The following SLC9A8 variants were observed in gnomAD, a reference collection of about 807,000 sequenced individuals.
SLC9A8 encodes sodium/hydrogen exchanger 8.
Under a neutral mutation model 66.6 loss-of-function variants are expected in SLC9A8, and 48 were observed. That is an observed-to-expected ratio of 0.72 (90% confidence interval 0.57 to 0.92). The LOEUF is 0.92. SLC9A8 is among the 40% of genes least tolerant of loss of function. SLC9A8 has a pLI of 0.00. For synonymous variants in SLC9A8, 274 were observed against 282.6 expected, an observed-to-expected ratio of 0.97 and a Z score of 0.31; for missense variants, 599 against 747.3, an observed-to-expected ratio of 0.80 and a Z score of 2.31.
At chr20:49,884,254 C>CGCG (rs1568883629) in intron 14 of SLC9A8, 188 bp downstream of exon 14, 1 of 319,062 alleles carries the variant, frequency 3.1e-6, no homozygotes, top group Admixed American at 4.6e-5. Context: ...CACACACACA[C>CGCG]ACACGACACA....
Position 49,886,897 on chromosome 20 carries a change from A to G in SLC9A8, c.1637A>G (p.Glu546Gly). Reference sequence around the variant, plus strand: ...TTCTTCACTCGGAGGCTGACGCAGGAGGTGGGATACCGGCCAGGCCACACT... The same window carrying G: ...TTCTTCACTCGGAGGCTGACGCAGGGGGTGGGATACCGGCCAGGCCACACT... ...NPFFTRRLTQ[E>G]DLHHGRIQMK... The change falls in exon 15 of 16, where the codon GAG becomes GGG. Residue 546 changes from glutamate (E) to glycine (G), a missense_variant and splice_region_variant. By Grantham distance (98) the Glu-to-Gly change is moderately conservative. Transcript: ENST00000361573. This position sits in a 1 kb window ranked among gnomAD's most constrained non-coding sequence, Gnocchi z 4.8. 1 of 1,613,442 alleles carries G rather than the reference A, an allele frequency of 6.2e-7. No homozygotes were observed. The highest frequency in any genetic ancestry group is 8.5e-7 in the Non-Finnish European group (1 of 1,179,634).
At chr20:49,887,641 G>T (rs1024698299) in intron 15 of SLC9A8, among the ~76,000 whole-genome samples, 188 bp from the exon 16 acceptor site, 1 of 152,088 alleles carries the variant, frequency 6.6e-6, no homozygotes, top group African/African-American at 2.4e-5. Context: ...GACACCTCCC[G>T]TGACCTCCAC....
At chr20:49,867,610 C>G (rs191921151) in intron 10 of SLC9A8, among the ~76,000 whole-genome samples, 1 of 152,174 alleles carries the variant, frequency 6.6e-6, no homozygotes, top group Non-Finnish European at 1.5e-5. Context: ...GCAGCTTCCC[C>G]GACTCAACAG....
intron 10 of SLC9A8, among the ~76,000 whole-genome samples, chr20:49,870,246 C>T (rs1239428119): frequency 2.0e-5 from 3 of 152,170 alleles, no homozygotes; most frequent in Non-Finnish European, 4.4e-5. Flanking sequence ...CAGAAGAAAG[C>T]CAGAATTTAA....
At chr20:49,877,373 A>C (rs2089463310) in intron 11 of SLC9A8, among the ~76,000 whole-genome samples, 1 of 152,134 alleles carries the variant, frequency 6.6e-6, no homozygotes, top group African/African-American at 2.4e-5. Flanking sequence ...CAGAGAGCCT[A>C]GTGTTAGAAA....
intron 7 of SLC9A8, 131 bp downstream of exon 7, chr20:49,850,975 C>T: frequency 1.7e-6 from 1 of 591,664 alleles, no homozygotes; most frequent in Middle Eastern, 2.8e-4. Flanking sequence ...GGATTTCTGC[C>T]ATAGAATCTT....
rs185515494 is a variant in SLC9A8, at chr20:49,882,070, A to G, written c.1270+1035A>G. On this transcript the variant is annotated intron_variant, in intron 13 of 15. Coordinates refer to ENST00000361573, the MANE Select transcript of SLC9A8 (RefSeq NM_015266.3). ...GATCCTCAACGAGGGGCACTGAACA[A>G]GCCTCTGCTACCGGCCCCTCCCATC... Among the ~76,000 whole-genome samples the G allele has an allele frequency of 4.6e-3, 698 of 152,248 alleles. 9 individuals carry two copies. The highest frequency in any genetic ancestry group is 0.016 in the African/African-American group (673 of 41,522).
chr20:49,813,698 A>C (rs2086443795), intron 1 of SLC9A8, among the ~76,000 whole-genome samples: 1 of 152,242 alleles, frequency 6.6e-6, no homozygotes, highest in Non-Finnish European at 1.5e-5. Flanking sequence ...AAATAGAGTT[A>C]AGGTTGGGGA....
chr20:49,831,973 A>G (rs2087218806), intron 3 of SLC9A8, among the ~76,000 whole-genome samples: 1 of 152,118 alleles, frequency 6.6e-6, no homozygotes, highest in Non-Finnish European at 1.5e-5. Flanking sequence ...CCTCAGGGTC[A>G]TTAGTGAGGA....
intron 7 of SLC9A8, among the ~76,000 whole-genome samples, chr20:49,854,278 C>T (rs1378023500): frequency 1.3e-5 from 2 of 152,132 alleles, no homozygotes; most frequent in Non-Finnish European, 2.9e-5. Flanking sequence ...GGTCCTGCCT[C>T]CCTCGCCAGC....
At chr20:49,870,941 C>G (rs2089186814) in intron 10 of SLC9A8, among the ~76,000 whole-genome samples, 1 of 152,170 alleles carries the variant, frequency 6.6e-6, no homozygotes, top group South Asian at 2.1e-4. Context: ...CTCAAGCAAT[C>G]CACCCACTTT....
Position 49,886,968 on chromosome 20 carries a change from A to G in SLC9A8, c.1638+70A>G. On this transcript the variant is annotated intron_variant, in intron 15 of 15. Transcript: ENST00000361573. This position sits in a 1 kb window ranked among gnomAD's most constrained non-coding sequence, Gnocchi z 4.8. ...CCTCCTTCAGGACCTGCGGTGGCCCAGGGTGGGGTGGAGGAAGAGTGGGGA... is the reference window on the plus strand; with the variant it reads ...CCTCCTTCAGGACCTGCGGTGGCCCGGGGTGGGGTGGAGGAAGAGTGGGGA... 6.6e-7 allele frequency: 1 copy of G among 1,524,498 alleles called. No homozygotes were observed. Among genetic ancestry groups the G allele is most frequent in the East Asian group, 2.3e-5 (1 of 42,946 alleles). The allele number at this position is 1,524,498 out of a possible 1,614,324, so 94.4% of individuals were successfully genotyped here.
chr20:49,834,373 ATATATATATACTGT>A (rs2087399674), intron 3 of SLC9A8, among the ~76,000 whole-genome samples: 2 of 66,268 alleles, frequency 3.0e-5, no homozygotes. Context: ...TACTGTGTAT[ATATATATATACTGT>A]GTATATATAT....
chr20:49,884,289 GACACACACAC>G (rs1176516884), intron 14 of SLC9A8: 3 of 38,770 alleles, frequency 7.7e-5, no homozygotes, highest in South Asian at 1.9e-4. Flanking sequence ...ACACACACAC[GACACACACAC>G]ACACACACAC....
intron 11 of SLC9A8, among the ~76,000 whole-genome samples, chr20:49,877,689 T>G (rs548273307): frequency 1.3e-5 from 2 of 152,368 alleles, no homozygotes; most frequent in Middle Eastern, 3.4e-3. Flanking sequence ...TGACAGATTC[T>G]TGTGTTTATC....
intron 1 of SLC9A8, among the ~76,000 whole-genome samples, chr20:49,813,856 A>G (rs1301125906): frequency 2.3e-4 from 35 of 151,922 alleles, no homozygotes; most frequent in Non-Finnish European, 1.2e-4. Context: ...GTAGAGAGGA[A>G]GGGGGTTAGC....
chr20:49,887,706 T>A, intron 15 of SLC9A8, 123 bp from the exon 16 acceptor site: 1 of 666,860 alleles, frequency 1.5e-6, no homozygotes, highest in Non-Finnish European at 2.6e-6. Context: ...AAGTTGCCTG[T>A]GGCCATCACC....
rs1371793915 is a variant in SLC9A8 at position 49,892,110 on chromosome 20, G to C, written c.*4174G>C. 6.6e-6 allele frequency: 1 copy of C among 152,278 alleles called. No individual in the cohort carries two copies. The highest frequency in any genetic ancestry group is 6.5e-5 in the Admixed American group (1 of 15,276). The allele number at this position is 152,278 out of a possible 1,614,324, so 9.4% of individuals were successfully genotyped here. On this transcript the variant is annotated 3_prime_UTR_variant, in exon 16 of 16. Transcript: ENST00000361573. ...GGGAGGGGAAGGCGGGTCAGAGATGGGGGACCTGTGGCTGCCATGCAGGAG... is the reference window on the plus strand; with the variant it reads ...GGGAGGGGAAGGCGGGTCAGAGATGCGGGACCTGTGGCTGCCATGCAGGAG...
intron 3 of SLC9A8, among the ~76,000 whole-genome samples, chr20:49,835,778 T>G (rs2087510505): frequency 7.0e-6 from 1 of 142,738 alleles, no homozygotes; most frequent in African/African-American, 2.6e-5. Flanking sequence ...CTCCGCCTCC[T>G]GGGTTCAAGC....
Sources: gnomAD v4.1 joint callset for allele counts (sites outside exome capture counted in the v4.1 genomes callset) on GRCh38, gnomAD v4.1.1 for gene constraint, Gnocchi (gnomAD v3.1) non-coding constraint, MANE v1.5 for transcripts, NCBI Gene and HGNC (gene_info 2026-07-23, HGNC 2026-07-21) for gene names.